XCR1: variants seen among roughly 807,000 people sequenced by gnomAD.
The protein encoded by XCR1 is X-C motif chemokine receptor 1.
For synonymous variants in XCR1, 187 were observed against 188.5 expected, an observed-to-expected ratio of 0.99 and a Z score of 0.06; for missense variants, 356 against 424.2, an observed-to-expected ratio of 0.84 and a Z score of 1.41.
intron 1 of XCR1, among the ~76,000 whole-genome samples, chr3:46,026,114 C>T (rs972757402): frequency 1.3e-5 from 2 of 152,170 alleles, no homozygotes; most frequent in South Asian, 2.1e-4. Context: ...TGACAAAGCT[C>T]AACACCCTTT....
intron 4 of XCR1, among the ~76,000 whole-genome samples, chr3:46,061,950 G>T (rs1697971310): frequency 1.3e-5 from 2 of 152,098 alleles, no homozygotes; most frequent in Non-Finnish European, 2.9e-5. Context: ...TATCTTCTCT[G>T]GGATGGATTC....
At chr3:46,037,326 TAGGG>T (rs1255476481) in intron 5 of XCR1, among the ~76,000 whole-genome samples, 2 of 151,926 alleles carry the variant, frequency 1.3e-5, no homozygotes, top group Non-Finnish European at 2.9e-5. Context: ...AACCAGTAAA[TAGGG>T]GAGAGAGATA....
At chr3:46,073,562 C>G (rs551762082) in intron 3 of XCR1, among the ~76,000 whole-genome samples, 1 of 152,210 alleles carries the variant, frequency 6.6e-6, no homozygotes, top group South Asian at 2.1e-4. Flanking sequence ...GTACTTCATC[C>G]TGAGAGACAG....
At position 46,021,468 on chromosome 3, in the gene XCR1, G is replaced by A. The variant is rs200744583; in HGVS notation, c.480C>T (p.Ser160=). ...TGTGGAAGATGGTGTCGAGGATGGAGGACAGGATGCTGGCTACCCACACAG... is the reference window on the plus strand; with the variant it reads ...TGTGGAAGATGGTGTCGAGGATGGAAGACAGGATGCTGGCTACCCACACAG... ...TMAVWVASIL[S]SILDTIFHKV... is the part of the protein sequence containing the mutation. Residue 160 remains serine (S), a synonymous_variant, in exon 2 of 2, where the codon TCC becomes TCT. Transcript: ENST00000309285. The surrounding 1 kb of genome is among the most constrained non-coding windows in gnomAD (Gnocchi z 4.7). 2 of 1,614,006 alleles carry A rather than the reference G, an allele frequency of 1.2e-6. No individual in the cohort carries two copies. Among genetic ancestry groups the A allele is most frequent in the Non-Finnish European group, 8.5e-7 (1 of 1,179,944 alleles).
In XCR1 at chr3:46,081,796, G is replaced by A. The variant is rs141946934; in HGVS notation, c.-515+3998C>T. Among the ~76,000 whole-genome samples, 1,107 of 152,016 alleles carry A rather than the reference G, an allele frequency of 7.3e-3. 7 individuals are homozygous for A. Among genetic ancestry groups the A allele is most frequent in the Middle Eastern group, 0.017 (5 of 294 alleles). On this transcript the variant is annotated intron_variant, in intron 1 of 5. Transcript: ENST00000683768. ...CCGAGGTTGGGGTGTGGTTGAACCCGTCATTCAGGTAGTGAGCATAGTACC... is the reference window on the plus strand; with the variant it reads ...CCGAGGTTGGGGTGTGGTTGAACCCATCATTCAGGTAGTGAGCATAGTACC...
chr3:46,035,586 T>A (rs556098304), intron 5 of XCR1, among the ~76,000 whole-genome samples: 1 of 151,976 alleles, frequency 6.6e-6, no homozygotes, highest in African/African-American at 2.4e-5. Context: ...TGGTTGGAGA[T>A]AAGTTTCAGT....
At chr3:46,054,549 G>GGT (rs1190230514) in intron 4 of XCR1, among the ~76,000 whole-genome samples, 2 of 128,272 alleles carry the variant, frequency 1.6e-5, no homozygotes, top group African/African-American at 1.0e-4. Context: ...AAAAGGACGA[G>GGT]GGGGGGGCGA....
At chr3:46,059,266 T>C (rs1697917554) in intron 4 of XCR1, among the ~76,000 whole-genome samples, 1 of 152,210 alleles carries the variant, frequency 6.6e-6, no homozygotes, top group Admixed American at 6.5e-5. Flanking sequence ...AACTCAAGTT[T>C]GCTTATAGTT....
At chr3:46,026,685 C>T (rs1326606008) in intron 1 of XCR1, among the ~76,000 whole-genome samples, 2 of 151,346 alleles carry the variant, frequency 1.3e-5, no homozygotes, top group African/African-American at 4.9e-5. Context: ...CAGATTCATG[C>T]CATTCTCCTG....
chr3:46,023,990 A>G (rs1708233910), intron 1 of XCR1: 6 of 1,424,878 alleles, frequency 4.2e-6, no homozygotes, highest in Non-Finnish European at 5.9e-6. Context: ...TTGCCGCCAC[A>G]TTCAGAAACT....
In XCR1 at chr3:46,069,638, A is replaced by G. The variant is rs111801067; in HGVS notation, c.-262-2660T>C. On this transcript the variant is annotated intron_variant, in intron 3 of 5. Transcript: ENST00000683768. The stretch of plus-strand genomic sequence containing the variant: ...ATATTTTGTATGTTATATGTATTAC[A>G]TGCTGTATTCTTACAATAAAGTAAG... Among the ~76,000 whole-genome samples the G allele has an allele frequency of 1.1e-3, 173 of 152,316 alleles. 1 individual carries two copies. Among genetic ancestry groups the G allele is most frequent in the Middle Eastern group, 6.8e-3 (2 of 294 alleles).
intron 1 of XCR1, among the ~76,000 whole-genome samples, chr3:46,024,491 G>A (rs1708247877): frequency 6.6e-6 from 1 of 151,820 alleles, no homozygotes. Flanking sequence ...TTATCTTCAG[G>A]GTTAAAATGT....
intron 1 of XCR1, chr3:46,024,031 G>A (rs1413883734): frequency 2.3e-6 from 3 of 1,299,074 alleles, no homozygotes; most frequent in Admixed American, 3.4e-5. Flanking sequence ...GCAGAAGTTT[G>A]CAGCAAATGC....
chr3:46,085,546 A>G (rs1462420440), intron 1 of XCR1, among the ~76,000 whole-genome samples: 1 of 152,162 alleles, frequency 6.6e-6, no homozygotes, highest in African/African-American at 2.4e-5. Context: ...AAATTTCTTG[A>G]AAGAATAGGC....
In XCR1 at chr3:46,021,828, C is replaced by T; in HGVS notation, c.120G>A (p.Leu40=). Residue 40 remains leucine (L), a synonymous_variant, in exon 2 of 2, where the codon CTG becomes CTA. Coordinates refer to ENST00000309285, the MANE Select transcript of XCR1 (RefSeq NM_001024644.2). This position sits in a 1 kb window ranked among gnomAD's most constrained non-coding sequence, Gnocchi z 4.7. ...TGCCCACTAGGCTGAGGAGAAACAC[C>T]AGGCAGTATAGGACAGTGGTGGCGA... ...ATLATTVLYC[L]VFLLSLVGNS... 3 of 1,614,050 alleles carry T rather than the reference C, an allele frequency of 1.9e-6. No homozygotes were observed. The highest frequency in any genetic ancestry group is 2.5e-6 in the Non-Finnish European group (3 of 1,180,014).
chr3:46,063,661 A>T (rs1270337663), intron 4 of XCR1, among the ~76,000 whole-genome samples: 3 of 151,936 alleles, frequency 2.0e-5, no homozygotes, highest in Non-Finnish European at 4.4e-5. Context: ...GCCCAGCCTA[A>T]CTCGATGCCC....
chr3:46,074,531 G>T (rs1392203681), intron 3 of XCR1, among the ~76,000 whole-genome samples: 2 of 151,742 alleles, frequency 1.3e-5, no homozygotes, highest in Non-Finnish European at 1.5e-5. Flanking sequence ...ACATTATTTG[G>T]GTGATAGATA....
Position 46,021,951 on chromosome 3 carries a change from G to A in XCR1, c.-4C>T. 6.2e-7 allele frequency: 1 copy of A among 1,605,182 alleles called. No homozygotes were observed. Among genetic ancestry groups the A allele is most frequent in the Non-Finnish European group, 8.5e-7 (1 of 1,175,726 alleles). ...CTGGGTTGCCTGAGGACTCCATCTG[G>A]ACCAGATGGCAGGGACGTTTAGAGC... is the stretch of plus-strand genomic sequence containing the variant. On this transcript the variant is annotated 5_prime_UTR_variant, in exon 2 of 2. Coordinates refer to ENST00000309285, the MANE Select transcript of XCR1 (RefSeq NM_001024644.2). The surrounding 1 kb of genome is among the most constrained non-coding windows in gnomAD (Gnocchi z 4.7).
At chr3:46,059,986 G>T (rs1697931073) in intron 4 of XCR1, among the ~76,000 whole-genome samples, 1 of 152,154 alleles carries the variant, frequency 6.6e-6, no homozygotes, top group South Asian at 2.1e-4. Flanking sequence ...TAAATACTAG[G>T]ACGTAAAGTC....
Sources: allele counts gnomAD v4.1 joint callset (sites outside exome capture counted in the v4.1 genomes callset), GRCh38; gene constraint gnomAD v4.1.1; non-coding constraint Gnocchi (gnomAD v3.1); transcripts MANE v1.5; gene names NCBI Gene and HGNC (gene_info 2026-07-23, HGNC 2026-07-21).